The following KLHL23 variants were observed in gnomAD, a reference collection of about 807,000 sequenced individuals.
The protein encoded by KLHL23 is kelch like family member 23, also known as kelch-like protein 23.
Under a neutral mutation model 48.9 loss-of-function variants are expected in KLHL23, and 33 were observed. That is an observed-to-expected ratio of 0.67 (90% confidence interval 0.51 to 0.90). The LOEUF (loss-of-function observed/expected upper bound fraction) is 0.90. KLHL23 is among the 40% of genes least tolerant of loss of function. The pLI is 0.00. For missense variants in KLHL23, 608 were observed against 669.6 expected, an observed-to-expected ratio of 0.91 and a Z score of 1.02; for synonymous variants, 234 against 231.6, an observed-to-expected ratio of 1.01 and a Z score of -0.09.
chr2:169,744,319 G>A lies in KLHL23; in HGVS notation c.1366+2782G>A, dbSNP rs748349066. 5.2e-4 allele frequency among the ~76,000 whole-genome samples: 79 copies of A among 152,310 alleles called. 1 individual carries two copies. Among genetic ancestry groups the A allele is most frequent in the Non-Finnish European group, 3.4e-4 (23 of 68,024 alleles). Reference sequence around the variant, plus strand: ...CTGACTATCTTAGAATGCTTCCAACGGTAGGTGGTTATGAGCTGGGCCTTA... The same window carrying A: ...CTGACTATCTTAGAATGCTTCCAACAGTAGGTGGTTATGAGCTGGGCCTTA... On this transcript the variant is annotated intron_variant, in intron 3 of 3. Coordinates refer to ENST00000392647, the MANE Select transcript of KLHL23 (RefSeq NM_144711.6).
At chr2:169,740,739 C>T (rs965131541) in intron 2 of KLHL23, among the ~76,000 whole-genome samples, 23 of 134,970 alleles carry the variant, frequency 1.7e-4, no homozygotes, top group African/African-American at 6.3e-4. Flanking sequence ...TGAGCCACTG[C>T]GCCCGGCCTC....
intron 3 of KLHL23, among the ~76,000 whole-genome samples, chr2:169,746,303 G>GA (rs961859989): frequency 2.0e-5 from 3 of 151,934 alleles, no homozygotes; most frequent in Non-Finnish European, 4.4e-5. Context: ...AAGATCTTAG[G>GA]AAAAAAAATT....
chr2:169,746,110 A>G (rs769068338), intron 3 of KLHL23, among the ~76,000 whole-genome samples: 12 of 152,198 alleles, frequency 7.9e-5, no homozygotes, highest in Non-Finnish European at 1.5e-4. Flanking sequence ...AAGAGCCGAG[A>G]GGAAGCAGTA....
At chr2:169,736,254 AT>A in intron 2 of KLHL23, 27 bp downstream of exon 2, 6 of 1,564,822 alleles carry the variant, frequency 3.8e-6, no homozygotes, top group African/African-American at 1.4e-5. Context: ...TTTATTTTGT[AT>A]TTTTTAGATG....
intron 2 of KLHL23, among the ~76,000 whole-genome samples, chr2:169,740,271 C>T (rs1192454196): frequency 5.3e-5 from 8 of 151,156 alleles, no homozygotes; most frequent in Non-Finnish European, 1.2e-4. Flanking sequence ...TGCTATCACA[C>T]GTGGCTACTT....
At position 169,745,335 on chromosome 2, in the gene KLHL23, AC is replaced by A. The variant is rs1181648575; in HGVS notation, c.1366+3802del. 2.0e-5 allele frequency among the ~76,000 whole-genome samples: 3 copies of A among 149,240 alleles called. No homozygotes were observed. In the East Asian group the frequency reaches 6.0e-4, roughly 30 times the overall value. ...AGACCATCCTGGCTAACATGGTGAA[AC>A]CCCATCTCTACTAAAAATACAAAAA... On this transcript the variant is annotated intron_variant, in intron 3 of 3. Transcript: ENST00000392647.
rs770482935 is a variant in KLHL23 at position 169,735,476 on chromosome 2, A to C, written c.462A>C (p.Leu154=). 6.2e-7 allele frequency: 1 copy of C among 1,614,086 alleles called. No individual in the cohort carries two copies. The highest frequency in any genetic ancestry group is 1.3e-5 in the African/African-American group (1 of 75,066). The change falls in exon 2 of 4, where the codon CTA becomes CTC. Residue 154 remains leucine, a synonymous_variant. Transcript: ENST00000392647. The surrounding 1 kb of genome is among the most constrained non-coding windows in gnomAD (Gnocchi z 4.5). ...CAGAATTTCATGTGTGTCCAGAACT[A>C]GAGAAGGAATCTCGAAGAATTCTAT... ...SFAEFHVCPE[L]EKESRRILCS... is the part of the protein sequence containing the mutation.
chr2:169,741,620 GA>G, intron 3 of KLHL23, 83 bp downstream of exon 3: 4 of 1,464,880 alleles, frequency 2.7e-6, no homozygotes, highest in Non-Finnish European at 3.7e-6. Flanking sequence ...ACTGGAAATA[GA>G]AAATGCTGAT....
At chr2:169,741,961 G>T (rs1305696671) in intron 3 of KLHL23, among the ~76,000 whole-genome samples, 1 of 152,198 alleles carries the variant, frequency 6.6e-6, no homozygotes, top group Admixed American at 6.5e-5. Context: ...TTAGAAGCAT[G>T]TTCTTTCTAG....
rs369709046 is a variant in KLHL23 at position 169,735,225 on chromosome 2, A to G, written c.211A>G (p.Lys71Glu). The G allele has an allele frequency of 1.4e-5, 23 of 1,602,718 alleles. No individual in the cohort carries two copies. The highest frequency in any genetic ancestry group is 1.9e-5 in the Non-Finnish European group (22 of 1,177,434). Residue 71 changes from lysine to glutamate, a missense_variant, in exon 2 of 4, where the codon AAA (lysine) becomes GAA (glutamate). This residue lies in a region of KLHL23 where 419 missense variants were observed against 473.1 expected (regional missense o/e 0.89). Transcript: ENST00000392647. This position sits in a 1 kb window ranked among gnomAD's most constrained non-coding sequence, Gnocchi z 4.5. ...TAAGGCAATGTTCACAGCTGACATG[A>G]AAGAAAAATTTAAAAATAAAATAAA... Reference protein sequence around the residue: ...YFKAMFTADMKEKFKNKIKLS... With the variant: ...YFKAMFTADMEEKFKNKIKLS...
rs2105664798 is a variant in KLHL23 at position 169,751,654 on chromosome 2, G to C, written c.*1922G>C. ...TATACTGCCATTAAAATAATTATTTGGAAGACTGTAGAAACGTGGACATGT... is the reference window on the plus strand; with the variant it reads ...TATACTGCCATTAAAATAATTATTTCGAAGACTGTAGAAACGTGGACATGT... On this transcript the variant is annotated 3_prime_UTR_variant, in exon 4 of 4. Coordinates refer to ENST00000392647, the MANE Select transcript of KLHL23 (RefSeq NM_144711.6). The C allele has an allele frequency of 6.6e-6, 1 of 152,248 alleles. No homozygotes were observed. Among genetic ancestry groups the C allele is most frequent in the Non-Finnish European group, 1.5e-5 (1 of 68,006 alleles). 9.4% of individuals were successfully genotyped at this position (152,248 alleles called of 1,614,324 possible).
rs1688882668 is a variant in KLHL23 at position 169,749,329 on chromosome 2, A to C, written c.1367-93A>C. The stretch of plus-strand genomic sequence containing the variant: ...ACCACTCCCTATTTTTTGTGTGCTA[A>C]ATTTTAAAGGATTATTACATTACCA... On this transcript the variant is annotated intron_variant, in intron 3 of 3. Transcript: ENST00000392647. 4 of 1,343,340 alleles carry C rather than the reference A, an allele frequency of 3.0e-6. No individual in the cohort carries two copies. The African/African-American group carries it at 4.4e-5, about 15-fold the overall frequency. 83.2% of individuals were successfully genotyped at this position (1,343,340 alleles called of 1,614,324 possible). A position where few individuals can be genotyped will look rare whatever the true frequency, so the allele number is the denominator to read the frequency against.
Position 169,741,431 on chromosome 2 carries a change from C to A in KLHL23, c.1260C>A (p.Val420=). 1 of 1,613,904 alleles carries A rather than the reference C, an allele frequency of 6.2e-7. No individual in the cohort carries two copies. The highest frequency in any genetic ancestry group is 8.5e-7 in the Non-Finnish European group (1 of 1,179,882). The change falls in exon 3 of 4, where the codon GTC becomes GTA. Residue 420 remains valine, a synonymous_variant. Coordinates refer to ENST00000392647, the MANE Select transcript of KLHL23 (RefSeq NM_144711.6). The part of the protein sequence containing the change: ...TACVLHDVIY[V]IGGHCGYRGS... Reference sequence around the variant, plus strand: ...GTGTCTTACATGATGTTATCTACGTCATTGGTGGCCACTGTGGCTACAGAG... The same window carrying A: ...GTGTCTTACATGATGTTATCTACGTAATTGGTGGCCACTGTGGCTACAGAG...
rs946226832 is a variant in KLHL23, at chr2:169,733,893, C to G, written c.-197C>G. ...CCCGCGAGTGGCCTCGCGCCCAGAC[C>G]GTGCGGGGGGCTGTTCGGGTGGAGG... On this transcript the variant is annotated 5_prime_UTR_variant, in exon 1 of 4. Transcript: ENST00000392647. 6.6e-6 allele frequency: 1 copy of G among 152,120 alleles called. No individual in the cohort carries two copies. The highest frequency in any genetic ancestry group is 2.4e-5 in the African/African-American group (1 of 41,420). The allele number at this position is 152,120 out of a possible 1,614,324, so 9.4% of individuals were successfully genotyped here.
At chr2:169,741,220 C>T in intron 2 of KLHL23, 165 bp from the exon 3 acceptor site, 1 of 831,112 alleles carries the variant, frequency 1.2e-6, no homozygotes, top group Non-Finnish European at 1.7e-6. Context: ...CTCTTAAGAG[C>T]ACAAAGAGCC....
chr2:169,736,037 C>G lies in KLHL23; in HGVS notation c.1023C>G (p.Ile341Met), dbSNP rs1311693573. The G allele has an allele frequency of 1.2e-6, 2 of 1,614,032 alleles. No homozygotes were observed. The highest frequency in any genetic ancestry group is 3.3e-5 in the Admixed American group (2 of 59,998). The change falls in exon 2 of 4, where the codon ATC becomes ATG. Residue 341 changes from isoleucine to methionine, a missense_variant. Ile to Met is a conservative substitution (Grantham distance 10, BLOSUM62 1). This residue lies in a region of KLHL23 where 419 missense variants were observed against 473.1 expected (regional missense o/e 0.89). Coordinates refer to ENST00000392647, the MANE Select transcript of KLHL23 (RefSeq NM_144711.6). Reference protein sequence around the residue: ...DNIEALDTVWIYNSESDEWTE... With the variant: ...DNIEALDTVWMYNSESDEWTE... ...TAGAAGCTCTTGACACAGTGTGGAT[C>G]TATAACAGTGAAAGTGATGAATGGA...
At chr2:169,749,322 T>C in intron 3 of KLHL23, 100 bp from the exon 4 acceptor site, 2 of 1,269,158 alleles carry the variant, frequency 1.6e-6, no homozygotes, top group Non-Finnish European at 2.1e-6. Context: ...CTATTTTTTG[T>C]GTGCTAAATT....
At chr2:169,742,701 A>G (rs1033580541) in intron 3 of KLHL23, among the ~76,000 whole-genome samples, 2 of 152,196 alleles carry the variant, frequency 1.3e-5, no homozygotes, top group East Asian at 3.8e-4. Flanking sequence ...CATGAGAAGG[A>G]ACTTTAGCCC....
At chr2:169,734,177 G>GGGCCGGGCGCGGGCAGCGA (rs1314913400) in intron 1 of KLHL23, 90 bp downstream of exon 1, 11 of 147,118 alleles carry the variant, frequency 7.5e-5, no homozygotes, top group African/African-American at 2.5e-4. Flanking sequence ...GCGGGCAGCG[G>GGGCCGGGCGCGGGCAGCGA]GGCCGGGCGC....
Sources: allele counts gnomAD v4.1 joint callset (sites outside exome capture counted in the v4.1 genomes callset), GRCh38; gene constraint gnomAD v4.1.1; regional missense constraint gnomAD v4.1.1; non-coding constraint Gnocchi (gnomAD v3.1); transcripts MANE v1.5; gene names NCBI Gene and HGNC (gene_info 2026-07-23, HGNC 2026-07-21).